Variants in ATP13A5 observed in about 807,000 individuals in gnomAD.
ATP13A5 encodes the protein probable cation-transporting ATPase 13A5.
Under a neutral mutation model 150.2 loss-of-function variants are expected in ATP13A5, and 149 were observed. The observed-to-expected ratio is 0.99, with a 90% CI of 0.87 to 1.14. ATP13A5 has a LOEUF of 1.14. ATP13A5 is among the 50% of genes most tolerant of loss of function. The pLI is 0.00. For missense variants in ATP13A5, 1,383 were observed against 1,449.3 expected (o/e 0.95, Z 0.74); for synonymous variants, 497 against 522.2 (o/e 0.95, Z 0.66).
In ATP13A5 at chr3:193,314,886, G is replaced by A. The variant is rs1718989177; in HGVS notation, c.2158+86C>T. The A allele has an allele frequency of 1.3e-5, 19 of 1,515,768 alleles. No homozygotes were observed. The South Asian group carries it at 2.4e-4, about 19-fold the overall frequency. The allele number at this position is 1,515,768 out of a possible 1,614,324, so 93.9% of individuals were successfully genotyped here. On this transcript the variant is annotated intron_variant, in intron 18 of 29. Coordinates refer to ENST00000342358, the MANE Select transcript of ATP13A5 (RefSeq NM_198505.4). ...CAACAGAACATTTTTCCCTGTCTCT[G>A]ATACATGAACTCACTCAGCTCACAC...
At chr3:193,327,106 T>C in intron 12 of ATP13A5, 49 bp from the exon 13 acceptor site, 2 of 1,499,072 alleles carry the variant, frequency 1.3e-6, no homozygotes, top group Non-Finnish European at 1.8e-6. Flanking sequence ...AAGCTTTTAA[T>C]TATATAGTAA....
At position 193,288,962 on chromosome 3, in the gene ATP13A5, C is replaced by T. The variant is rs529305275; in HGVS notation, c.3023+923G>A. Among the ~76,000 whole-genome samples, 15 of 152,132 alleles carry T rather than the reference C, an allele frequency of 9.9e-5. No individual in the cohort carries two copies. The South Asian group carries it at 2.1e-3, about 21-fold the overall frequency. Reference sequence around the variant, plus strand: ...TCTAGGTTCAGTCAAAACTTGAGTTCTCTGAGTATATGCACTCCAATTTTG... The same window carrying T: ...TCTAGGTTCAGTCAAAACTTGAGTTTTCTGAGTATATGCACTCCAATTTTG... On this transcript the variant is annotated intron_variant, in intron 26 of 29. Coordinates refer to ENST00000342358, the MANE Select transcript of ATP13A5 (RefSeq NM_198505.4).
At chr3:193,311,740 T>C (rs1383895476) in intron 20 of ATP13A5, 76 bp downstream of exon 20, 2 of 1,569,630 alleles carry the variant, frequency 1.3e-6, no homozygotes, top group East Asian at 2.3e-5. Flanking sequence ...GTGATCACTG[T>C]TTTCAATACT....
rs757916978 is a variant in ATP13A5, at chr3:193,311,208, C to G, written c.2446-491G>C. On this transcript the variant is annotated intron_variant, in intron 20 of 29. Coordinates refer to ENST00000342358, the MANE Select transcript of ATP13A5 (RefSeq NM_198505.4). ...AACTGAACTAAGAGCTTTCTAGAAG[C>G]CTTTGGGGTCTAGATTCTGTGGACT... Among the ~76,000 whole-genome samples, 7 of 152,210 alleles carry G rather than the reference C, an allele frequency of 4.6e-5. No homozygotes were observed. In the East Asian group the frequency reaches 9.7e-4, roughly 21 times the overall value.
At chr3:193,351,752 G>A (rs1016924) in intron 6 of ATP13A5, among the ~76,000 whole-genome samples, 82,374 of 152,046 alleles carry the variant, frequency 0.54, 22,548 homozygotes, top group African/African-American at 0.61. Flanking sequence ...GAACAAGGAG[G>A]AAGACTGGAG....
intron 25 of ATP13A5, among the ~76,000 whole-genome samples, chr3:193,297,293 G>A (rs1718212959): frequency 6.6e-6 from 1 of 151,944 alleles, no homozygotes. Flanking sequence ...TAATGTAAGG[G>A]AAGAAAAGCT....
At chr3:193,285,432 C>T (rs1673198298) in intron 26 of ATP13A5, among the ~76,000 whole-genome samples, 1 of 152,100 alleles carries the variant, frequency 6.6e-6, no homozygotes, top group Non-Finnish European at 1.5e-5. Flanking sequence ...GTGTGGTTTT[C>T]TCTTTCGTGG....
chr3:193,308,408 G>A (rs776824809), intron 21 of ATP13A5, among the ~76,000 whole-genome samples: 9 of 152,074 alleles, frequency 5.9e-5, no homozygotes, highest in African/African-American at 1.9e-4. Flanking sequence ...GCGGTGAGCC[G>A]ATATTGCACC....
Position 193,307,800 on chromosome 3 carries a change from A to G in ATP13A5, c.2526-431T>C, listed in dbSNP as rs1718674624. Among the ~76,000 whole-genome samples, 3 of 152,242 alleles carry G rather than the reference A, an allele frequency of 2.0e-5. No individual in the cohort carries two copies. The South Asian group carries it at 6.2e-4, about 32-fold the overall frequency. ...TTTACAGCTCAAATACCAGGATGAG[A>G]AATTTCAAAAACAGTTTAACAGATA... On this transcript the variant is annotated intron_variant, in intron 21 of 29. Coordinates refer to ENST00000342358, the MANE Select transcript of ATP13A5 (RefSeq NM_198505.4).
At position 193,275,426 on chromosome 3, in the gene ATP13A5, T is replaced by A. The variant is rs1717150483; in HGVS notation, c.3397-124A>T. 2.7e-6 allele frequency: 3 copies of A among 1,104,070 alleles called. No individual in the cohort carries two copies. The East Asian group carries it at 7.2e-5, about 26-fold the overall frequency. 68.4% of individuals were successfully genotyped at this position (1,104,070 alleles called of 1,614,324 possible). Reference sequence around the variant, plus strand: ...CTGAGGTGTGCTCATTGCTGTTGCATCTACCTCTCCTTTCCCAAGTTCTGG... The same window carrying A: ...CTGAGGTGTGCTCATTGCTGTTGCAACTACCTCTCCTTTCCCAAGTTCTGG... On this transcript the variant is annotated intron_variant, in intron 29 of 29. Coordinates refer to ENST00000342358, the MANE Select transcript of ATP13A5 (RefSeq NM_198505.4).
At chr3:193,318,224 C>A (rs1009974906) in intron 17 of ATP13A5, among the ~76,000 whole-genome samples, 7 of 152,002 alleles carry the variant, frequency 4.6e-5, no homozygotes, top group Non-Finnish European at 1.0e-4. Context: ...AATGTTAAAC[C>A]AAGGATATCA....
intron 13 of ATP13A5, among the ~76,000 whole-genome samples, chr3:193,325,415 T>C (rs572704199): frequency 6.6e-6 from 1 of 152,348 alleles, no homozygotes; most frequent in Non-Finnish European, 1.5e-5. Context: ...AATTTTGTTC[T>C]CAACAGAATT....
intron 5 of ATP13A5, among the ~76,000 whole-genome samples, chr3:193,359,807 G>C (rs188134337): frequency 4.4e-4 from 67 of 152,270 alleles, no homozygotes; most frequent in African/African-American, 1.5e-3. Flanking sequence ...GTGTGCATGT[G>C]TGTGTGTGTG....
chr3:193,339,812 A>T (rs11711281), intron 9 of ATP13A5, among the ~76,000 whole-genome samples: 18,749 of 152,130 alleles, frequency 0.12, 1,407 homozygotes, highest in Non-Finnish European at 0.16. Context: ...CTTTTGAATC[A>T]CAGAATATTA....
At chr3:193,376,017 C>T (rs1378005535) in intron 1 of ATP13A5, among the ~76,000 whole-genome samples, 5 of 152,072 alleles carry the variant, frequency 3.3e-5, no homozygotes, top group Admixed American at 2.0e-4. Flanking sequence ...AGGGAATCTT[C>T]GGGGAAGGAA....
rs1713163208 is a variant in ATP13A5, at chr3:193,364,398, A to G, written c.64-118T>C. ...TGTTGGCTGGGAGACAAATCTGGTTATAGGTGGTTAAATCAAGTTGACTGC... is the reference window on the plus strand; with the variant it reads ...TGTTGGCTGGGAGACAAATCTGGTTGTAGGTGGTTAAATCAAGTTGACTGC... On this transcript the variant is annotated intron_variant, in intron 1 of 29. Transcript: ENST00000342358. The G allele has an allele frequency of 2.8e-5, 35 of 1,263,372 alleles. No homozygotes were observed. In the South Asian group the frequency reaches 5.1e-4, roughly 18 times the overall value. 78.3% of individuals were successfully genotyped at this position (1,263,372 alleles called of 1,614,324 possible).
chr3:193,364,805 T>C (rs895524318), intron 1 of ATP13A5, among the ~76,000 whole-genome samples: 5 of 152,178 alleles, frequency 3.3e-5, no homozygotes, highest in Non-Finnish European at 5.9e-5. Flanking sequence ...TACTATTTTC[T>C]AAAACAGTAT....
intron 6 of ATP13A5, among the ~76,000 whole-genome samples, chr3:193,352,727 G>C (rs987308251): frequency 1.6e-4 from 25 of 152,044 alleles, no homozygotes; most frequent in African/African-American, 6.0e-4. Context: ...CCGAAAACTA[G>C]TCTAAAAAAT....
chr3:193,351,108 T>A lies in ATP13A5; in HGVS notation c.700A>T (p.Thr234Ser). ...ACACTTAAGACAATGGAGATAACAG[T>A]CAAAATGATGATGGCCACAGAGTAT... ...IEYSVAIIIL[T>S]VISIVLSVYD... Residue 234 changes from threonine to serine, a missense_variant, in exon 7 of 30, where the codon ACT becomes TCT. By Grantham distance (58) the Thr-to-Ser change is moderately conservative. This residue lies in a region of ATP13A5 where 787 missense variants were observed against 771.9 expected (regional missense o/e 1.02). Transcript: ENST00000342358. 1 of 1,613,692 alleles carries A rather than the reference T, an allele frequency of 6.2e-7. No homozygotes were observed. Among genetic ancestry groups the A allele is most frequent in the Non-Finnish European group, 8.5e-7 (1 of 1,179,726 alleles).
Sources: gnomAD v4.1 joint callset for allele counts (sites outside exome capture counted in the v4.1 genomes callset) on GRCh38, gnomAD v4.1.1 for gene constraint, gnomAD v4.1.1 regional missense constraint, MANE v1.5 for transcripts, NCBI Gene and HGNC (gene_info 2026-07-23, HGNC 2026-07-21) for gene names.